Variants in SYCP2 observed in about 807,000 individuals in gnomAD.
SYCP2 encodes synaptonemal complex lateral element protein.
Under a neutral mutation model 211.3 loss-of-function variants are expected in SYCP2, and 55 were observed. The observed-to-expected ratio is 0.26, with a 90% CI of 0.21 to 0.33. The LOEUF (loss-of-function observed/expected upper bound fraction) is 0.33. Ranked by LOEUF, SYCP2 falls within the 10% of genes least tolerant of loss-of-function variation. The probability of loss-of-function intolerance (pLI) is 1.00; values close to 1 mark genes in which losing one functional copy is unlikely to be tolerated. For missense variants in SYCP2, 1,731 were observed against 1,752.0 expected (o/e 0.99, Z 0.21); for synonymous variants, 570 against 555.2 (o/e 1.03, Z -0.37).
At chr20:59,897,435 T>C (rs2060031408) in intron 18 of SYCP2, among the ~76,000 whole-genome samples, 1 of 152,154 alleles carries the variant, frequency 6.6e-6, no homozygotes, top group South Asian at 2.1e-4. Context: ...CCTCAAACAG[T>C]TCATCCTTAT....
chr20:59,912,271 T>C, intron 13 of SYCP2, 102 bp downstream of exon 13: 1 of 567,878 alleles, frequency 1.8e-6, no homozygotes, highest in Non-Finnish European at 3.1e-6. Context: ...CATGATCTAA[T>C]TACAACTATT....
chr20:59,901,634 TA>T, intron 16 of SYCP2, 27 bp downstream of exon 16: 1 of 1,289,684 alleles, frequency 7.8e-7, no homozygotes, highest in Non-Finnish European at 1.1e-6. Flanking sequence ...ATGAAAATAG[TA>T]AATATTTATT....
intron 19 of SYCP2, 86 bp downstream of exon 19, chr20:59,896,343 T>C (rs1481015497): frequency 7.1e-6 from 5 of 700,486 alleles, no homozygotes; most frequent in Non-Finnish European, 1.2e-5. Flanking sequence ...TTATCCTTTA[T>C]GTAAATTATG....
At chr20:59,911,925 AAAGC>A (rs1182237925) in intron 13 of SYCP2, 80 bp from the exon 14 acceptor site, 2 of 575,044 alleles carry the variant, frequency 3.5e-6, no homozygotes, top group East Asian at 6.5e-5. Context: ...ATTCATGGCT[AAAGC>A]AAGAAAACAA....
chr20:59,922,426 T>TAAAAAA lies in SYCP2; in HGVS notation c.-19_-14dup. 1 of 1,428,186 alleles carries TAAAAAA rather than the reference T, an allele frequency of 7.0e-7. No individual in the cohort carries two copies. Among genetic ancestry groups the TAAAAAA allele is most frequent in the Non-Finnish European group, 9.4e-7 (1 of 1,060,712 alleles). The allele number at this position is 1,428,186 out of a possible 1,614,324, so 88.5% of individuals were successfully genotyped here. ...GTCTTATTGGCATTTTGACTTCATT[T>TAAAAAA]AAAAAAAAAAAAAAAGCAAGACAAA... is the stretch of plus-strand genomic sequence containing the variant. On this transcript the variant is annotated 5_prime_UTR_variant, in exon 3 of 45. Transcript: ENST00000357552.
In SYCP2 at chr20:59,918,008, CTT is replaced by C. The variant is rs555020874; in HGVS notation, c.427+1148_427+1149del. Among the ~76,000 whole-genome samples the C allele has an allele frequency of 1.8e-4, 27 of 152,260 alleles. No homozygotes were observed. In the South Asian group the frequency reaches 3.3e-3, roughly 19 times the overall value. On this transcript the variant is annotated intron_variant, in intron 7 of 44. Coordinates refer to ENST00000357552, the MANE Select transcript of SYCP2 (RefSeq NM_014258.4). Reference sequence around the variant, plus strand: ...GTGTCAAAGGTGAACATCATTCACTCTTGTCAGTTTACCCATGGTCAGTTCTT... The same window carrying C: ...GTGTCAAAGGTGAACATCATTCACTCGTCAGTTTACCCATGGTCAGTTCTT...
intron 2 of SYCP2, among the ~76,000 whole-genome samples, chr20:59,930,280 T>C (rs1009747782): frequency 2.0e-5 from 3 of 152,174 alleles, no homozygotes; most frequent in African/African-American, 2.4e-5. Flanking sequence ...AAAAAATGCT[T>C]AAAGAAGTCG....
At position 59,864,304 on chromosome 20, in the gene SYCP2, CTAGATTTCACACAT is replaced by C; in HGVS notation, c.4586_*6del. 6.4e-7 allele frequency: 1 copy of C among 1,573,968 alleles called. No individual in the cohort carries two copies. The highest frequency in any genetic ancestry group is 8.7e-7 in the Non-Finnish European group (1 of 1,151,880). ...ATTAGATAAAGTATGGTGATAAAAA[CTAGATTTCACACAT>C]TAGCATTTCTTTCATGAGACATGAA... On this transcript the variant is annotated stop_lost and 3_prime_UTR_variant, in exon 45 of 45. Coordinates refer to ENST00000357552, the MANE Select transcript of SYCP2 (RefSeq NM_014258.4).
intron 22 of SYCP2, 138 bp from the exon 23 acceptor site, chr20:59,892,839 T>G: frequency 1.3e-5 from 9 of 714,034 alleles, no homozygotes; most frequent in Non-Finnish European, 1.7e-5. Context: ...TATCTTACAG[T>G]TCTACTGTAT....
intron 35 of SYCP2, among the ~76,000 whole-genome samples, chr20:59,870,791 A>C (rs1265995266): frequency 6.6e-6 from 1 of 151,726 alleles, no homozygotes; most frequent in Non-Finnish European, 1.5e-5. Context: ...TAAACAGTAA[A>C]ATCTAATGGT....
At chr20:59,932,932 A>G (rs2060793770) in intron 1 of SYCP2, among the ~76,000 whole-genome samples, 1 of 152,070 alleles carries the variant, frequency 6.6e-6, no homozygotes, top group Non-Finnish European at 1.5e-5. Context: ...CTTCTTCCCT[A>G]AGTGGAACCG....
rs141490475 is a variant in SYCP2 at position 59,886,782 on chromosome 20, C to T, written c.2417G>A (p.Ser806Asn). The change falls in exon 25 of 45, where the codon AGC becomes AAC. Residue 806 changes from serine to asparagine, a missense_variant. Coordinates refer to ENST00000357552, the MANE Select transcript of SYCP2 (RefSeq NM_014258.4). ...EFTNVAESLI[S>N]QINKRYKTKD... is the part of the protein sequence containing the mutation. ...TGTTTTGTATCTTTTATTGATTTGGCTTATCAAGGATTCTGCTACATTGGT... is the reference window on the plus strand; with the variant it reads ...TGTTTTGTATCTTTTATTGATTTGGTTTATCAAGGATTCTGCTACATTGGT... 9.6e-5 allele frequency: 153 copies of T among 1,589,826 alleles called. No homozygotes were observed. The highest frequency in any genetic ancestry group is 1.3e-4 in the Non-Finnish European group (147 of 1,172,114).
chr20:59,901,711 A>T lies in SYCP2; in HGVS notation c.1133T>A (p.Leu378Gln). ...KELLLYFDAS[L>Q]EITNVTQKIF... The stretch of plus-strand genomic sequence containing the variant: ...TTTTTGAGTTACATTAGTGATTTCT[A>T]GTGATGCGTCAAAATACAAAAGCAA... Residue 378 changes from leucine (L) to glutamine (Q), a missense_variant, in exon 16 of 45, where the codon CTA becomes CAA. Around this residue, in one of 3 missense-constraint regions of SYCP2, gnomAD observed 1,387 missense variants for 1,351.3 expected, o/e 1.03. Coordinates refer to ENST00000357552, the MANE Select transcript of SYCP2 (RefSeq NM_014258.4). The T allele has an allele frequency of 6.2e-7, 1 of 1,605,080 alleles. No individual in the cohort carries two copies. Among genetic ancestry groups the T allele is most frequent in the Non-Finnish European group, 8.5e-7 (1 of 1,175,240 alleles).
At chr20:59,884,328 ATTAT>A (rs1206092389) in intron 26 of SYCP2, among the ~76,000 whole-genome samples, 1 of 152,038 alleles carries the variant, frequency 6.6e-6, no homozygotes, top group African/African-American at 2.4e-5. Context: ...TATGTGTTAA[ATTAT>A]TTATACAGCC....
At chr20:59,909,523 C>T (rs967114891) in intron 14 of SYCP2, among the ~76,000 whole-genome samples, 2 of 152,088 alleles carry the variant, frequency 1.3e-5, no homozygotes, top group African/African-American at 4.8e-5. Context: ...TATCCATTTC[C>T]CCTACCAGGG....
intron 1 of SYCP2, 138 bp from the exon 2 acceptor site, chr20:59,932,292 C>T (rs951575234): frequency 6.6e-6 from 1 of 152,212 alleles, no homozygotes; most frequent in Non-Finnish European, 1.5e-5. Context: ...AAAGTCCCCT[C>T]TGCCCTGGTA....
intron 15 of SYCP2, among the ~76,000 whole-genome samples, chr20:59,902,420 C>T (rs2060131923): frequency 6.6e-6 from 1 of 152,062 alleles, no homozygotes; most frequent in South Asian, 2.1e-4. Flanking sequence ...TACCTGGCCC[C>T]TAATAAATGC....
In SYCP2 at chr20:59,897,449, A is replaced by C. The variant is rs1039920304; in HGVS notation, c.1405-921T>G. On this transcript the variant is annotated intron_variant, in intron 18 of 44. Transcript: ENST00000357552. ...GCCTCAAACAGTTCATCCTTATTGA[A>C]AACAGAGCACAGGTATTTAACAGTA... Among the ~76,000 whole-genome samples, 6 of 152,200 alleles carry C rather than the reference A, an allele frequency of 3.9e-5. No individual in the cohort carries two copies. The East Asian group carries it at 9.6e-4, about 24-fold the overall frequency.
chr20:59,932,021 G>A (rs896838307), intron 2 of SYCP2, 41 bp downstream of exon 2: 2 of 152,108 alleles, frequency 1.3e-5, no homozygotes, highest in Admixed American at 6.5e-5. Flanking sequence ...TTCGGAAACC[G>A]AGAACAGAAT....
Sources: allele counts gnomAD v4.1 joint callset (sites outside exome capture counted in the v4.1 genomes callset), GRCh38; gene constraint gnomAD v4.1.1; regional missense constraint gnomAD v4.1.1; transcripts MANE v1.5; gene names NCBI Gene and HGNC (gene_info 2026-07-23, HGNC 2026-07-21).